SMIM14: variants seen among roughly 807,000 people sequenced by gnomAD.
SMIM14 encodes chromosome 4 open reading frame 34.
A neutral mutation model predicts 12.6 loss-of-function variants in SMIM14; 5 were observed. That is an observed-to-expected ratio of 0.40 (90% CI 0.21 to 0.83). SMIM14 has a LOEUF of 0.83. Ranked by LOEUF, SMIM14 falls within the 40% of genes least tolerant of loss-of-function variation. SMIM14 has a pLI of 0.37. For synonymous variants in SMIM14, 30 were observed against 40.1 expected (o/e 0.75, Z 0.95); for missense variants, 86 against 119.1 (o/e 0.72, Z 1.29).
At chr4:39,619,876 A>T (rs374458460) in intron 1 of SMIM14, among the ~76,000 whole-genome samples, 11,702 of 115,720 alleles carry the variant, frequency 0.1, 915 homozygotes, top group Admixed American at 0.2. Context: ...ATATATATAT[A>T]TTTTTTTTTT....
intron 2 of SMIM14, among the ~76,000 whole-genome samples, chr4:39,596,922 T>A (rs925365550): frequency 6.6e-6 from 1 of 152,076 alleles, no homozygotes; most frequent in Non-Finnish European, 1.5e-5. Flanking sequence ...ACTATAGGTA[T>A]GTGCCAAGAT....
At chr4:39,567,959 T>C (rs1488124929) in intron 3 of SMIM14, among the ~76,000 whole-genome samples, 1 of 151,858 alleles carries the variant, frequency 6.6e-6, no homozygotes, top group Non-Finnish European at 1.5e-5. Flanking sequence ...GTGCCAAATG[T>C]TAAAGCCCAA....
intron 1 of SMIM14, among the ~76,000 whole-genome samples, chr4:39,634,715 C>A (rs1578374923): frequency 6.6e-6 from 1 of 152,146 alleles, no homozygotes; most frequent in African/African-American, 2.4e-5. Flanking sequence ...TCTAAGAACC[C>A]ATTTCTCACA....
chr4:39,603,849 A>G (rs1340085077), intron 2 of SMIM14, among the ~76,000 whole-genome samples: 1 of 151,712 alleles, frequency 6.6e-6, no homozygotes, highest in Non-Finnish European at 1.5e-5. Flanking sequence ...CGTCTCTACT[A>G]AAAATACAAA....
At chr4:39,552,341 T>C (rs1711760000) in intron 4 of SMIM14, among the ~76,000 whole-genome samples, 183 bp from the exon 5 acceptor site, 1 of 152,126 alleles carries the variant, frequency 6.6e-6, no homozygotes, top group African/African-American at 2.4e-5. Context: ...ATTTGGACTT[T>C]TCATATGTTT....
intron 1 of SMIM14, among the ~76,000 whole-genome samples, chr4:39,625,153 G>C (rs373980504): frequency 4.0e-5 from 6 of 151,360 alleles, no homozygotes; most frequent in African/African-American, 1.2e-4. Flanking sequence ...AGGAGGTGGA[G>C]GTTGCAGTGA....
intron 3 of SMIM14, among the ~76,000 whole-genome samples, chr4:39,570,317 C>A (rs908154342): frequency 2.0e-5 from 3 of 151,988 alleles, no homozygotes; most frequent in Non-Finnish European, 4.4e-5. Context: ...CGTGCCACCA[C>A]GCCCAGCTAA....
intron 3 of SMIM14, among the ~76,000 whole-genome samples, chr4:39,565,081 G>A (rs774405581): frequency 1.3e-5 from 2 of 152,244 alleles, no homozygotes; most frequent in Non-Finnish European, 2.9e-5. Context: ...AGCCAAGTGT[G>A]GTGGCACACA....
chr4:39,595,428 T>G, intron 2 of SMIM14, among the ~76,000 whole-genome samples: 1 of 135,752 alleles, frequency 7.4e-6, no homozygotes, highest in African/African-American at 2.7e-5. Flanking sequence ...GGGGGAGGGA[T>G]AGCTTTAGGA....
intron 1 of SMIM14, among the ~76,000 whole-genome samples, chr4:39,625,217 C>CAA (rs555489081): frequency 2.8e-4 from 16 of 56,276 alleles, no homozygotes; most frequent in African/African-American, 8.0e-4. Flanking sequence ...GACATCATCT[C>CAA]AAAAAAAAAA....
chr4:39,612,383 T>A (rs970407590), intron 1 of SMIM14, among the ~76,000 whole-genome samples: 1 of 152,080 alleles, frequency 6.6e-6, no homozygotes, highest in East Asian at 1.9e-4. Context: ...GCCTCCCAAG[T>A]AGCTGGGATT....
chr4:39,577,364 T>C (rs1246469639), intron 2 of SMIM14, among the ~76,000 whole-genome samples: 1 of 152,040 alleles, frequency 6.6e-6, no homozygotes, highest in Non-Finnish European at 1.5e-5. Context: ...GGAGTCAAAT[T>C]ATGCCTTTCA....
chr4:39,613,571 G>A (rs1384662907), intron 1 of SMIM14, among the ~76,000 whole-genome samples: 4 of 152,162 alleles, frequency 2.6e-5, no homozygotes, highest in Non-Finnish European at 4.4e-5. Context: ...CAGTCCCACC[G>A]CACATTTAAA....
chr4:39,563,068 TA>T (rs1315663852), intron 3 of SMIM14, among the ~76,000 whole-genome samples: 1 of 152,002 alleles, frequency 6.6e-6, no homozygotes, highest in Non-Finnish European at 1.5e-5. Context: ...TTCTTTTTTT[TA>T]TTTTTTTTGA....
At chr4:39,598,366 AC>A (rs376863269) in intron 2 of SMIM14, among the ~76,000 whole-genome samples, 69 of 152,178 alleles carry the variant, frequency 4.5e-4, no homozygotes, top group African/African-American at 1.6e-3. Context: ...TCATCCTCCT[AC>A]CCACTTCTCC....
chr4:39,633,939 G>C (rs1055353178), intron 1 of SMIM14, among the ~76,000 whole-genome samples: 2 of 152,154 alleles, frequency 1.3e-5, no homozygotes, highest in African/African-American at 4.8e-5. Context: ...TTTTTTGTTT[G>C]TTTATTGTTT....
intron 1 of SMIM14, among the ~76,000 whole-genome samples, chr4:39,632,787 A>G (rs1715954912): frequency 7.7e-6 from 1 of 130,028 alleles, no homozygotes; most frequent in Admixed American, 7.4e-5. Context: ...ACACACACAC[A>G]CACACACACA....
At chr4:39,634,954 A>G (rs1031215556) in intron 1 of SMIM14, among the ~76,000 whole-genome samples, 3 of 152,256 alleles carry the variant, frequency 2.0e-5, no homozygotes, top group Non-Finnish European at 2.9e-5. Flanking sequence ...AGGACAGACA[A>G]GGTTCCATAT....
intron 1 of SMIM14, among the ~76,000 whole-genome samples, chr4:39,617,474 A>G (rs150061507): frequency 4.6e-5 from 7 of 152,362 alleles, no homozygotes; most frequent in Non-Finnish European, 7.3e-5. Flanking sequence ...AAATAATTAT[A>G]TCTCAATTTA....
Sources: allele counts gnomAD v4.1 joint callset (sites outside exome capture counted in the v4.1 genomes callset), GRCh38; gene constraint gnomAD v4.1.1; transcripts MANE v1.5; gene names NCBI Gene and HGNC (gene_info 2026-07-23, HGNC 2026-07-21).